SULT1B1: variants seen among roughly 807,000 people sequenced by gnomAD.
The protein encoded by SULT1B1 is sulfotransferase 1B1.
In SULT1B1, 28 loss-of-function variants were observed where a neutral mutation model predicts 34.6. The ratio of observed to expected loss-of-function variants is 0.81; its 90% CI spans 0.60 to 1.11. The LOEUF (loss-of-function observed/expected upper bound fraction) is 1.11. SULT1B1 is among the 50% of genes least tolerant of loss of function. The pLI is 0.00. For missense variants in SULT1B1, 374 were observed against 352.2 expected, an observed-to-expected ratio of 1.06 and a Z score of -0.50; for synonymous variants, 147 against 110.2, an observed-to-expected ratio of 1.33 and a Z score of -2.09.
chr4:69,734,958 A>G (rs947901438), intron 4 of SULT1B1, among the ~76,000 whole-genome samples: 8 of 151,336 alleles, frequency 5.3e-5, no homozygotes, highest in African/African-American at 1.9e-4. Context: ...AGCTGTGACT[A>G]CAGGCGCCCG....
chr4:69,752,927 C>T lies in SULT1B1; in HGVS notation c.277+1743G>A, dbSNP rs534059554. ...CATACTCTTGCATTCCCTGTTAGCTCATTTTTTTTCAGTTTCCTTTGCTAG... is the reference window on the plus strand; with the variant it reads ...CATACTCTTGCATTCCCTGTTAGCTTATTTTTTTTCAGTTTCCTTTGCTAG... On this transcript the variant is annotated intron_variant, in intron 3 of 7. Transcript: ENST00000310613. Among the ~76,000 whole-genome samples the T allele has an allele frequency of 1.2e-4, 18 of 152,294 alleles. No individual in the cohort carries two copies. In the South Asian group the frequency reaches 3.7e-3, roughly 32 times the overall value.
intron 7 of SULT1B1, among the ~76,000 whole-genome samples, chr4:69,730,099 A>G (rs960256577): frequency 6.6e-6 from 1 of 152,014 alleles, no homozygotes; most frequent in Non-Finnish European, 1.5e-5. Context: ...TTTCTAAGTG[A>G]TATGGGGACT....
In SULT1B1 at chr4:69,724,982, C is replaced by T. The variant is rs1388399790; in HGVS notation, c.*2106G>A. On this transcript the variant is annotated 3_prime_UTR_variant, in exon 8 of 8. Transcript: ENST00000310613. ...ATGGGCAAGGACTTCATGTCTAAAA[C>T]ACCAAAAGCAATGGCAACAAAAGCC... is the stretch of plus-strand genomic sequence containing the variant. The T allele has an allele frequency of 6.6e-6, 1 of 152,066 alleles. No homozygotes were observed. The highest frequency in any genetic ancestry group is 2.4e-5 in the African/African-American group (1 of 41,402). The allele number at this position is 152,066 out of a possible 1,614,324, so 9.4% of individuals were successfully genotyped here. A position where few individuals can be genotyped will look rare whatever the true frequency, so the allele number is the denominator to read the frequency against.
intron 7 of SULT1B1, among the ~76,000 whole-genome samples, chr4:69,729,006 A>T (rs896937854): frequency 6.6e-6 from 1 of 152,090 alleles, no homozygotes; most frequent in Non-Finnish European, 1.5e-5. Context: ...GAGAAGCCAT[A>T]GAATCCAGAT....
chr4:69,733,133 C>T (rs770583109), intron 6 of SULT1B1, among the ~76,000 whole-genome samples: 23 of 152,102 alleles, frequency 1.5e-4, no homozygotes, highest in South Asian at 1.2e-3. Context: ...CTAAGGATAA[C>T]TGTAAGCATG....
chr4:69,727,952 C>T (rs1445944939), intron 7 of SULT1B1, among the ~76,000 whole-genome samples: 1 of 152,046 alleles, frequency 6.6e-6, no homozygotes, highest in East Asian at 1.9e-4. Flanking sequence ...AATAGTAATA[C>T]ATCATATTAA....
intron 5 of SULT1B1, among the ~76,000 whole-genome samples, chr4:69,733,724 C>T (rs1267112701): frequency 1.3e-5 from 2 of 152,092 alleles, no homozygotes; most frequent in Non-Finnish European, 2.9e-5. Context: ...GACAAAAATA[C>T]ACTGACCTCC....
At chr4:69,727,699 G>A (rs569757280) in intron 7 of SULT1B1, among the ~76,000 whole-genome samples, 8 of 152,142 alleles carry the variant, frequency 5.3e-5, no homozygotes, top group African/African-American at 1.9e-4. Context: ...ATGATATGGA[G>A]ATGACAGTTG....
chr4:69,728,404 G>A (rs1717923081), intron 7 of SULT1B1, among the ~76,000 whole-genome samples: 1 of 151,914 alleles, frequency 6.6e-6, no homozygotes, highest in Non-Finnish European at 1.5e-5. Flanking sequence ...TATCTAATAT[G>A]GCATCTTTCA....
chr4:69,730,684 A>T lies in SULT1B1; in HGVS notation c.598-3T>A, dbSNP rs773174824. 4 of 1,609,986 alleles carry T rather than the reference A, an allele frequency of 2.5e-6. No individual in the cohort carries two copies. The South Asian group carries it at 4.4e-5, about 18-fold the overall frequency. ...TTCTTGATTTCCTCCTTTGGATTCT[A>T]TTAGTGGGTAAAACCCAAGACAATA... On this transcript the variant is annotated splice_region_variant and splice_polypyrimidine_tract_variant and intron_variant, in intron 6 of 7. Coordinates refer to ENST00000310613, the MANE Select transcript of SULT1B1 (RefSeq NM_014465.4).
rs1262879902 is a variant in SULT1B1, at chr4:69,725,090, C to G, written c.*1998G>C. 6.6e-6 allele frequency: 1 copy of G among 151,338 alleles called. No individual in the cohort carries two copies. Among genetic ancestry groups the G allele is most frequent in the African/African-American group, 2.5e-5 (1 of 40,782 alleles). 9.4% of individuals were successfully genotyped at this position (151,338 alleles called of 1,614,324 possible). ...ACCATCAGCGTGAACAGGCAACCTA[C>G]AGAATGGGAGAAAATTTTTGCAATC... On this transcript the variant is annotated 3_prime_UTR_variant, in exon 8 of 8. Coordinates refer to ENST00000310613, the MANE Select transcript of SULT1B1 (RefSeq NM_014465.4).
chr4:69,741,081 C>T (rs981724706), intron 4 of SULT1B1, among the ~76,000 whole-genome samples: 1 of 152,106 alleles, frequency 6.6e-6, no homozygotes, highest in Non-Finnish European at 1.5e-5. Context: ...AATAAGGGCT[C>T]CAGTTTCAAT....
At chr4:69,742,511 A>G (rs1333621912) in intron 4 of SULT1B1, among the ~76,000 whole-genome samples, 1 of 152,178 alleles carries the variant, frequency 6.6e-6, no homozygotes, top group Non-Finnish European at 1.5e-5. Flanking sequence ...GGTTTGATAG[A>G]TTAGTAGGTT....
chr4:69,751,704 G>A (rs571006573), intron 3 of SULT1B1, among the ~76,000 whole-genome samples: 2 of 152,130 alleles, frequency 1.3e-5, no homozygotes, highest in East Asian at 3.9e-4. Flanking sequence ...CACCCGCCTC[G>A]ACCTCCCAAA....
intron 1 of SULT1B1, among the ~76,000 whole-genome samples, chr4:69,757,872 C>T (rs1051239972): frequency 2.0e-5 from 3 of 151,988 alleles, no homozygotes; most frequent in African/African-American, 7.3e-5. Flanking sequence ...GCCTCAAAAA[C>T]CTGAAATAGA....
At chr4:69,744,541 A>G (rs1257365884) in intron 4 of SULT1B1, among the ~76,000 whole-genome samples, 1 of 152,196 alleles carries the variant, frequency 6.6e-6, no homozygotes, top group Non-Finnish European at 1.5e-5. Flanking sequence ...AGGTGTTCCT[A>G]GCAGTCTCTG....
At chr4:69,746,192 G>T (rs1452397042) in intron 4 of SULT1B1, among the ~76,000 whole-genome samples, 1 of 152,112 alleles carries the variant, frequency 6.6e-6, no homozygotes, top group African/African-American at 2.4e-5. Flanking sequence ...TTTGGGAATT[G>T]TTGTCTTATG....
At chr4:69,727,757 G>C (rs1717892581) in intron 7 of SULT1B1, among the ~76,000 whole-genome samples, 1 of 151,980 alleles carries the variant, frequency 6.6e-6, no homozygotes, top group Non-Finnish European at 1.5e-5. Context: ...ATTTAGGTGG[G>C]AATAATAACA....
At chr4:69,756,866 C>T (rs1286260233) in intron 1 of SULT1B1, among the ~76,000 whole-genome samples, 4 of 152,094 alleles carry the variant, frequency 2.6e-5, no homozygotes, top group Non-Finnish European at 5.9e-5. Flanking sequence ...AGGCCTTCAA[C>T]TGATTGCGTG....
Sources: gnomAD v4.1 joint callset for allele counts (sites outside exome capture counted in the v4.1 genomes callset) on GRCh38, gnomAD v4.1.1 for gene constraint, MANE v1.5 for transcripts, NCBI Gene and HGNC (gene_info 2026-07-23, HGNC 2026-07-21) for gene names.